Variants in ARHGAP6 observed in about 807,000 individuals in gnomAD.
The protein encoded by ARHGAP6 is rho GTPase-activating protein 6.
In ARHGAP6, 16 loss-of-function variants were observed where a neutral mutation model predicts 55.7. The ratio of observed to expected loss-of-function variants is 0.29; its 90% CI spans 0.19 to 0.44. The LOEUF (loss-of-function observed/expected upper bound fraction) is 0.44. Among genes scored for constraint, ARHGAP6 ranks in the 20% least tolerant of loss-of-function variants. The pLI is 1.00. For missense variants in ARHGAP6, 698 were observed against 808.9 expected, an observed-to-expected ratio of 0.86 and a Z score of 1.66; for synonymous variants, 382 against 360.9, an observed-to-expected ratio of 1.06 and a Z score of -0.66.
intron 1 of ARHGAP6, among the ~76,000 whole-genome samples, chrX:11,634,493 G>A (rs1345660456): frequency 9.0e-6 from 1 of 111,282 alleles, no homozygotes; most frequent in Non-Finnish European, 1.9e-5. Flanking sequence ...GGGATAATAA[G>A]ATATGTAGTC....
intron 1 of ARHGAP6, among the ~76,000 whole-genome samples, chrX:11,442,960 T>G (rs1045098760): frequency 8.9e-6 from 1 of 112,086 alleles, no homozygotes; most frequent in Non-Finnish European, 1.9e-5. Context: ...CTTTTTTCTG[T>G]TTTTGAAACT....
chrX:11,604,129 T>C (rs1295802682), intron 1 of ARHGAP6, among the ~76,000 whole-genome samples: 1 of 111,741 alleles, frequency 8.9e-6, no homozygotes, highest in East Asian at 2.8e-4. Flanking sequence ...TCCACTTGCA[T>C]CATAGCTACT....
chrX:11,265,855 T>C (rs1245253809), intron 1 of ARHGAP6: 1 of 953,533 alleles, frequency 1.0e-6, no homozygotes, highest in Non-Finnish European at 1.3e-6. Flanking sequence ...GGCATAGCTG[T>C]GACTCCCACG....
In ARHGAP6 at chrX:11,139,252, C is replaced by G. The variant is rs750889067; in HGVS notation, c.2536G>C (p.Ala846Pro). 16 of 1,195,904 alleles carry G rather than the reference C, an allele frequency of 1.3e-5. No individual in the cohort carries two copies. The Admixed American group carries it at 3.4e-4, about 25-fold the overall frequency. Residue 846 changes from alanine to proline, a missense_variant, in exon 13 of 13, where the codon GCC becomes CCC. This residue lies in a region of ARHGAP6 where 212 missense variants were observed against 208.7 expected (regional missense o/e 1.02). Transcript: ENST00000337414. ...AGCTCACTCTCGCTGAGGTCGTGGG[C>G]GCCGCTCAGGGTCAAGTACTGCTCC... is the stretch of plus-strand genomic sequence containing the variant. ...RSEQYLTLSG[A>P]HDLSESELDV...
At chrX:11,403,230 G>A (rs901943339) in intron 1 of ARHGAP6, among the ~76,000 whole-genome samples, 1 of 111,423 alleles carries the variant, frequency 9.0e-6, no homozygotes, top group African/African-American at 3.3e-5. Context: ...TGTAGGTATG[G>A]GGGAGAGTTA....
intron 1 of ARHGAP6, among the ~76,000 whole-genome samples, chrX:11,371,391 A>G (rs112170487): frequency 7.8e-4 from 87 of 112,162 alleles, no homozygotes; most frequent in Middle Eastern, 4.6e-3. Flanking sequence ...CAGAGTTGTG[A>G]CTGAGATCTT....
chrX:11,212,336 A>G (rs1405396262), intron 2 of ARHGAP6, among the ~76,000 whole-genome samples: 3 of 111,718 alleles, frequency 2.7e-5, no homozygotes, highest in Non-Finnish European at 5.6e-5. Flanking sequence ...AATTGGGGAG[A>G]AGTTTCAGGA....
chrX:11,273,948 T>C (rs2047722992), intron 1 of ARHGAP6, among the ~76,000 whole-genome samples: 1 of 111,747 alleles, frequency 8.9e-6, no homozygotes, highest in African/African-American at 3.3e-5. Context: ...GGTTTATTAA[T>C]ATGCCCATTT....
intron 2 of ARHGAP6, among the ~76,000 whole-genome samples, chrX:11,222,906 T>C (rs1206005004): frequency 1.8e-5 from 2 of 112,171 alleles, no homozygotes; most frequent in African/African-American, 6.5e-5. Context: ...TTTTAATTAT[T>C]TGCTTTTTTT....
intron 1 of ARHGAP6, among the ~76,000 whole-genome samples, chrX:11,362,222 A>T (rs1369085832): frequency 8.9e-6 from 1 of 111,994 alleles, no homozygotes; most frequent in Non-Finnish European, 1.9e-5. Context: ...TTATTGCAGC[A>T]CTATTCACAA....
chrX:11,649,848 CTG>C (rs985812647), intron 1 of ARHGAP6, among the ~76,000 whole-genome samples: 1 of 111,610 alleles, frequency 9.0e-6, no homozygotes, highest in African/African-American at 3.2e-5. Context: ...ATCTAAAACT[CTG>C]TAAGAAGTCT....
intron 1 of ARHGAP6, among the ~76,000 whole-genome samples, chrX:11,650,542 G>C (rs1230011042): frequency 9.0e-6 from 1 of 111,053 alleles, no homozygotes; most frequent in Non-Finnish European, 1.9e-5. Flanking sequence ...TCCTGCATCC[G>C]GCTCTCCCCA....
chrX:11,613,093 A>G (rs1480235283), intron 1 of ARHGAP6, among the ~76,000 whole-genome samples: 2 of 112,461 alleles, frequency 1.8e-5, no homozygotes, highest in African/African-American at 6.5e-5. Flanking sequence ...GGGACCTTCC[A>G]TCTACTAATC....
At chrX:11,270,116 G>A (rs766553437) in intron 1 of ARHGAP6, among the ~76,000 whole-genome samples, 54 of 112,226 alleles carry the variant, frequency 4.8e-4, no homozygotes, top group African/African-American at 1.3e-3. Flanking sequence ...CAAAGAGAGC[G>A]TAAAGCGTAA....
At chrX:11,393,164 G>A (rs1476363893) in intron 1 of ARHGAP6, among the ~76,000 whole-genome samples, 1 of 111,398 alleles carries the variant, frequency 9.0e-6, no homozygotes, top group Admixed American at 9.5e-5. Context: ...TGATTTAAGA[G>A]AGTATATGAT....
intron 1 of ARHGAP6, among the ~76,000 whole-genome samples, chrX:11,522,351 C>G (rs1239479873): frequency 9.0e-6 from 1 of 110,975 alleles, no homozygotes; most frequent in East Asian, 2.8e-4. Context: ...CAAACACATT[C>G]AAAAGCTAGC....
chrX:11,572,432 CAA>C (rs1296249134), intron 1 of ARHGAP6, among the ~76,000 whole-genome samples: 2 of 109,685 alleles, frequency 1.8e-5, no homozygotes, highest in East Asian at 2.9e-4. Context: ...AGTGAGAACA[CAA>C]GGTGTTTGGT....
Position 11,443,764 on chromosome X carries a change from TA to T in ARHGAP6, c.589-189058del, listed in dbSNP as rs772004307. On this transcript the variant is annotated intron_variant, in intron 1 of 12. Coordinates refer to ENST00000337414, the MANE Select transcript of ARHGAP6 (RefSeq NM_013427.3). ...TAACATGGTGAAACCTCATCTCTAC[TA>T]AAAATACAAAAAATTAGCCGGTCAT... 2.6e-4 allele frequency among the ~76,000 whole-genome samples: 29 copies of T among 111,041 alleles called. No homozygotes were observed. In the South Asian group the frequency reaches 6.9e-3, roughly 27 times the overall value.
chrX:11,225,734 C>T (rs990852358), intron 2 of ARHGAP6: 6 of 631,999 alleles, frequency 9.5e-6, no homozygotes, highest in African/African-American at 4.7e-5. Flanking sequence ...GAGATTGAGC[C>T]GCCACATGAG....
Sources: allele counts gnomAD v4.1 joint callset (sites outside exome capture counted in the v4.1 genomes callset), GRCh38; gene constraint gnomAD v4.1.1; regional missense constraint gnomAD v4.1.1; transcripts MANE v1.5; gene names NCBI Gene and HGNC (gene_info 2026-07-23, HGNC 2026-07-21).